Variants in TANC1 observed in about 807,000 individuals in gnomAD.
TANC1 encodes tetratricopeptide repeat, ankyrin repeat and coiled-coil containing 1.
Under a neutral mutation model 149.7 loss-of-function variants are expected in TANC1, and 77 were observed. The observed-to-expected ratio is 0.51, with a 90% CI of 0.43 to 0.62. The LOEUF is 0.62. TANC1 is among the 20% of genes least tolerant of loss of function. The probability of loss-of-function intolerance (pLI) is 0.00; values close to 1 mark genes in which losing one functional copy is unlikely to be tolerated. For missense variants in TANC1, 1,985 were observed against 2,321.8 expected (o/e 0.85, Z 2.98); for synonymous variants, 854 against 925.0 (o/e 0.92, Z 1.39).
intron 1 of TANC1, among the ~76,000 whole-genome samples, chr2:158,982,296 A>G (rs1038928474): frequency 7.9e-5 from 12 of 152,226 alleles, no homozygotes; most frequent in African/African-American, 2.9e-4. Context: ...TTAGTCCATT[A>G]AAAATATACA....
chr2:158,992,385 G>GT (rs2035721236), intron 1 of TANC1, among the ~76,000 whole-genome samples: 1 of 151,606 alleles, frequency 6.6e-6, no homozygotes, highest in Non-Finnish European at 1.5e-5. Context: ...AAAAGAAAGT[G>GT]TTTAAGTGCA....
At position 159,228,213 on chromosome 2, in the gene TANC1, G is replaced by A. The variant is rs1027703268; in HGVS notation, c.4050+248G>A. On this transcript the variant is annotated intron_variant, in intron 25 of 26. Coordinates refer to ENST00000263635, the MANE Select transcript of TANC1 (RefSeq NM_033394.3). ...GTTTCCTTGGCCTCAGTAATGAGAA[G>A]CAAATGCAGTCTGCTCCTCTGCAGC... 2.9e-5 allele frequency: 14 copies of A among 476,884 alleles called. No individual in the cohort carries two copies. The East Asian group carries it at 3.9e-4, about 13-fold the overall frequency. The allele number at this position is 476,884 out of a possible 1,614,324, so 29.5% of individuals were successfully genotyped here. A position where few individuals can be genotyped will look rare whatever the true frequency, so the allele number is the denominator to read the frequency against.
intron 4 of TANC1, among the ~76,000 whole-genome samples, chr2:159,119,452 A>C (rs1559295176): frequency 6.6e-6 from 1 of 152,242 alleles, no homozygotes; most frequent in Non-Finnish European, 1.5e-5. Context: ...AAAATCAAGA[A>C]GCAGCCACTC....
At chr2:159,120,252 A>G (rs543226096) in intron 4 of TANC1, among the ~76,000 whole-genome samples, 2 of 152,336 alleles carry the variant, frequency 1.3e-5, no homozygotes, top group African/African-American at 2.4e-5. Flanking sequence ...GGAAGGTTCT[A>G]GAATTCAGAG....
At position 159,178,671 on chromosome 2, in the gene TANC1, A is replaced by G; in HGVS notation, c.2018A>G (p.Asp673Gly). The G allele has an allele frequency of 6.2e-7, 1 of 1,614,178 alleles. No individual in the cohort carries two copies. ...CAGCACAGGGTGCACAGCAGCCAGGACATCCTCAGCAACATCTCCCTGAAT... is the reference window on the plus strand; with the variant it reads ...CAGCACAGGGTGCACAGCAGCCAGGGCATCCTCAGCAACATCTCCCTGAAT... ...YVQHRVHSSQ[D>G]ILSNISLNGK... Residue 673 changes from aspartate to glycine, a missense_variant, in exon 14 of 27, where the codon GAC becomes GGC. By Grantham distance (94) the Asp-to-Gly change is moderately conservative. Transcript: ENST00000263635.
At chr2:159,159,713 TGTGTGAGAGAGAGA>T (rs1206277157) in intron 7 of TANC1, among the ~76,000 whole-genome samples, 16 of 65,650 alleles carry the variant, frequency 2.4e-4, no homozygotes, top group South Asian at 1.3e-3. Flanking sequence ...TGTGTGTGTG[TGTGTGAGAGAGAGA>T]GAGAGAGAGA....
Position 159,003,971 on chromosome 2 carries a change from CT to C in TANC1, c.-16+2783del, listed in dbSNP as rs375638271. The C allele has an allele frequency of 9.4e-5, 151 of 1,612,410 alleles. 5 individuals carry two copies. The African/African-American group carries it at 1.9e-3, about 20-fold the overall frequency. On this transcript the variant is annotated intron_variant, in intron 2 of 26. Transcript: ENST00000263635. ...TGATGACAAAAAGCTTCAGAGTTCT[CT>C]AAAAAAAACTGGCTGTGAATAATAT... is the stretch of plus-strand genomic sequence containing the variant.
chr2:159,027,576 C>T (rs1256831526), intron 2 of TANC1, among the ~76,000 whole-genome samples: 1 of 152,196 alleles, frequency 6.6e-6, no homozygotes, highest in Non-Finnish European at 1.5e-5. Context: ...CTTCTGAACC[C>T]TCATCAGAAT....
intron 3 of TANC1, among the ~76,000 whole-genome samples, chr2:159,080,839 G>T (rs946527175): frequency 4.6e-5 from 7 of 152,198 alleles, no homozygotes; most frequent in African/African-American, 1.2e-4. Flanking sequence ...GCCTTCCGTG[G>T]CACTGTGCCC....
chr2:159,003,862 A>G lies in TANC1; in HGVS notation c.-16+2673A>G. On this transcript the variant is annotated intron_variant, in intron 2 of 26. Coordinates refer to ENST00000263635, the MANE Select transcript of TANC1 (RefSeq NM_033394.3). ...CCAACAGCATGAATCAAGAAAAGTTAGCCAAACTTCAGGCTCAGGTCCAGA... is the reference window on the plus strand; with the variant it reads ...CCAACAGCATGAATCAAGAAAAGTTGGCCAAACTTCAGGCTCAGGTCCAGA... The G allele has an allele frequency of 5.0e-6, 8 of 1,611,734 alleles. No individual in the cohort carries two copies. In the South Asian group the frequency reaches 8.8e-5, roughly 18 times the overall value.
intron 3 of TANC1, among the ~76,000 whole-genome samples, chr2:159,094,459 A>T (rs1401142692): frequency 6.6e-6 from 1 of 152,076 alleles, no homozygotes; most frequent in Non-Finnish European, 1.5e-5. Context: ...TCAGTGTGAG[A>T]GTGAGGTGGT....
At chr2:159,062,823 C>T (rs1294177313) in intron 2 of TANC1, among the ~76,000 whole-genome samples, 6 of 150,808 alleles carry the variant, frequency 4.0e-5, no homozygotes, top group South Asian at 2.1e-4. Flanking sequence ...AAAAATTAGC[C>T]GGGCGCGGTG....
intron 4 of TANC1, among the ~76,000 whole-genome samples, chr2:159,126,192 T>A (rs1005350921): frequency 1.3e-5 from 2 of 152,168 alleles, no homozygotes; most frequent in African/African-American, 4.8e-5. Flanking sequence ...GATTCAGTAA[T>A]GAGGGGATGG....
At chr2:158,989,617 A>G (rs1268588949) in intron 1 of TANC1, among the ~76,000 whole-genome samples, 3 of 152,008 alleles carry the variant, frequency 2.0e-5, no homozygotes, top group South Asian at 4.2e-4. Context: ...CTCAAAAAAA[A>G]AAAAAAAAAA....
intron 16 of TANC1, among the ~76,000 whole-genome samples, chr2:159,191,242 G>A (rs887139125): frequency 2.6e-5 from 4 of 152,192 alleles, no homozygotes; most frequent in Non-Finnish European, 5.9e-5. Flanking sequence ...TGAAGAAACT[G>A]ATGTGTGGGT....
chr2:159,057,093 G>A (rs1246943215), intron 2 of TANC1, among the ~76,000 whole-genome samples: 2 of 152,072 alleles, frequency 1.3e-5, no homozygotes, highest in East Asian at 1.9e-4. Context: ...TCAGCTGTCC[G>A]TTTTATTGTT....
chr2:159,069,297 CTTGACCTTGAG>C (rs543165798), intron 3 of TANC1, among the ~76,000 whole-genome samples: 150 of 152,234 alleles, frequency 9.9e-4, no homozygotes, highest in Non-Finnish European at 1.7e-3. Context: ...CTATATTTTT[CTTGACCTTGAG>C]TTTGGCCTAA....
intron 5 of TANC1, among the ~76,000 whole-genome samples, chr2:159,141,964 T>C (rs1253511223): frequency 4.6e-5 from 7 of 152,000 alleles, no homozygotes; most frequent in Admixed American, 3.3e-4. Context: ...AAAGAGAAGG[T>C]GTACTACAAA....
In TANC1 at chr2:159,217,546, G is replaced by A. The variant is rs749102599; in HGVS notation, c.3294G>A (p.Leu1098=). ...GRGKLEVCEL[L]LGHGAAVSRT... ...GGAAGCTGGAGGTCTGTGAGCTGCTGCTGGGGCATGGAGCTGCTGTGTCGC... is the reference window on the plus strand; with the variant it reads ...GGAAGCTGGAGGTCTGTGAGCTGCTACTGGGGCATGGAGCTGCTGTGTCGC... Residue 1098 remains leucine (L), a synonymous_variant, in exon 20 of 27, where the codon CTG becomes CTA. Transcript: ENST00000263635. The A allele has an allele frequency of 3.1e-6, 5 of 1,614,132 alleles. No homozygotes were observed. The highest frequency in any genetic ancestry group is 4.2e-6 in the Non-Finnish European group (5 of 1,180,046).
Sources: allele counts gnomAD v4.1 joint callset (sites outside exome capture counted in the v4.1 genomes callset), GRCh38; gene constraint gnomAD v4.1.1; transcripts MANE v1.5; gene names NCBI Gene and HGNC (gene_info 2026-07-23, HGNC 2026-07-21).